Variants in AFG3L2 observed in about 807,000 individuals in gnomAD.
The protein encoded by AFG3L2 is AFG3 like matrix AAA peptidase subunit 2.
Under a neutral mutation model 94.5 loss-of-function variants are expected in AFG3L2, and 54 were observed. The ratio of observed to expected loss-of-function variants is 0.57; its 90% CI spans 0.46 to 0.72. The LOEUF is 0.72. AFG3L2 is among the 30% of genes least tolerant of loss of function. AFG3L2 has a pLI of 0.00. For synonymous variants in AFG3L2, 377 were observed against 365.5 expected (o/e 1.03, Z -0.36); for missense variants, 754 against 994.9 (o/e 0.76, Z 3.26).
At chr18:12,361,230 C>T (rs1009327284) in intron 6 of AFG3L2, among the ~76,000 whole-genome samples, 3 of 152,148 alleles carry the variant, frequency 2.0e-5, no homozygotes, top group Admixed American at 1.3e-4. Flanking sequence ...ATTAGCTAGG[C>T]ATGGTGGCAC....
At chr18:12,344,454 C>T (rs1490551324) in intron 13 of AFG3L2, 3 of 541,852 alleles carry the variant, frequency 5.5e-6, no homozygotes, top group African/African-American at 3.8e-5. Flanking sequence ...GTGGTCCAAT[C>T]ACTTGAGGTG....
At position 12,329,112 on chromosome 18, in the gene AFG3L2, A is replaced by G. The variant is rs1222502371; in HGVS notation, c.*453T>C. 4 of 702,646 alleles carry G rather than the reference A, an allele frequency of 5.7e-6. No individual in the cohort carries two copies. The highest frequency in any genetic ancestry group is 3.5e-5 in the African/African-American group (2 of 57,254). The allele number at this position is 702,646 out of a possible 1,614,324, so 43.5% of individuals were successfully genotyped here. Reference sequence around the variant, plus strand: ...CTTTAAAATATTAAGTCAAATTAAAATGTTCTTATCAAGACTCCAATTTAA... The same window carrying G: ...CTTTAAAATATTAAGTCAAATTAAAGTGTTCTTATCAAGACTCCAATTTAA... On this transcript the variant is annotated 3_prime_UTR_variant, in exon 17 of 17. Coordinates refer to ENST00000269143, the MANE Select transcript of AFG3L2 (RefSeq NM_006796.3).
chr18:12,354,296 T>C (rs563924753), intron 9 of AFG3L2, among the ~76,000 whole-genome samples: 16 of 152,088 alleles, frequency 1.1e-4, no homozygotes, highest in Non-Finnish European at 2.2e-4. Flanking sequence ...CACACCTTCA[T>C]AGTACATCCA....
intron 16 of AFG3L2, among the ~76,000 whole-genome samples, chr18:12,332,835 T>TACAC (rs71172073): frequency 0.015 from 2,071 of 135,304 alleles, 31 homozygotes; most frequent in Middle Eastern, 0.031. Context: ...AATTTGCTTA[T>TACAC]ACACACACAC....
At chr18:12,358,124 AAAT>A (rs756940974) in intron 8 of AFG3L2, among the ~76,000 whole-genome samples, 11 of 152,228 alleles carry the variant, frequency 7.2e-5, no homozygotes, top group Non-Finnish European at 4.4e-5. Flanking sequence ...TCCATTTAAC[AAAT>A]ATGAAGTTAA....
intron 13 of AFG3L2, among the ~76,000 whole-genome samples, chr18:12,345,514 G>C (rs915460350): frequency 6.6e-6 from 1 of 152,220 alleles, no homozygotes; most frequent in African/African-American, 2.4e-5. Flanking sequence ...TATGCCACAG[G>C]GCGGGAAGTT....
At chr18:12,360,770 T>C (rs1908636251) in intron 6 of AFG3L2, among the ~76,000 whole-genome samples, 1 of 152,196 alleles carries the variant, frequency 6.6e-6, no homozygotes, top group African/African-American at 2.4e-5. Flanking sequence ...CTGACTCCTG[T>C]TTCCATTCTA....
intron 14 of AFG3L2, chr18:12,341,360 C>T (rs558568653): frequency 6.6e-6 from 1 of 152,258 alleles, no homozygotes; most frequent in Admixed American, 6.5e-5. Context: ...AACATAACAT[C>T]AAGCCACAAT....
chr18:12,334,127 G>C (rs745479076), intron 16 of AFG3L2, among the ~76,000 whole-genome samples: 1 of 152,208 alleles, frequency 6.6e-6, no homozygotes, highest in Non-Finnish European at 1.5e-5. Context: ...GAAGGCAATG[G>C]TTTCAGGAGC....
intron 9 of AFG3L2, among the ~76,000 whole-genome samples, chr18:12,354,142 C>T (rs755332878): frequency 1.4e-5 from 2 of 139,570 alleles, no homozygotes; most frequent in Non-Finnish European, 3.1e-5. Flanking sequence ...ACCCCCCCCC[C>T]CCCACTTCAC....
intron 16 of AFG3L2, among the ~76,000 whole-genome samples, chr18:12,332,924 A>T (rs1483376170): frequency 4.4e-5 from 6 of 137,612 alleles, no homozygotes; most frequent in African/African-American, 1.4e-4. Flanking sequence ...TATTATATAT[A>T]ACATATACTA....
chr18:12,340,659 G>A (rs1473641287), intron 14 of AFG3L2, among the ~76,000 whole-genome samples: 2 of 152,018 alleles, frequency 1.3e-5, no homozygotes, highest in African/African-American at 4.8e-5. Flanking sequence ...GCAGTGGCAC[G>A]ATCTCAACTC....
intron 9 of AFG3L2, among the ~76,000 whole-genome samples, chr18:12,356,073 G>A (rs533567959): frequency 4.6e-5 from 7 of 151,462 alleles, no homozygotes; most frequent in African/African-American, 1.7e-4. Flanking sequence ...ATACTTTACA[G>A]GGATCAATTG....
At position 12,364,928 on chromosome 18, in the gene AFG3L2, C is replaced by T. The variant is rs1908762518; in HGVS notation, c.553-1072G>A. On this transcript the variant is annotated intron_variant, in intron 5 of 16. Coordinates refer to ENST00000269143, the MANE Select transcript of AFG3L2 (RefSeq NM_006796.3). The stretch of plus-strand genomic sequence containing the variant: ...CAAGTGATCCTCCCACCTCAGCCTC[C>T]CAAAGTGCACAGATTACAGGTGTGA... 1.3e-5 allele frequency among the ~76,000 whole-genome samples: 2 copies of T among 152,128 alleles called. 1 individual carries two copies. Among genetic ancestry groups the T allele is most frequent in the South Asian group, 4.2e-4 (2 of 4,818 alleles).
chr18:12,337,117 A>G (rs1291786395), intron 16 of AFG3L2: 1 of 614,546 alleles, frequency 1.6e-6, no homozygotes, highest in African/African-American at 1.8e-5. Flanking sequence ...ATTCAGTCAC[A>G]TTCCTAAGAG....
intron 16 of AFG3L2, among the ~76,000 whole-genome samples, chr18:12,332,682 A>AT (rs1429266981): frequency 3.7e-4 from 16 of 43,004 alleles, no homozygotes; most frequent in East Asian, 1.7e-3. Flanking sequence ...ATATATATAT[A>AT]TATTTTTTGT....
rs780671367 is a variant in AFG3L2 at position 12,353,173 on chromosome 18, A to G, written c.1165-15T>C. On this transcript the variant is annotated splice_polypyrimidine_tract_variant and intron_variant, in intron 9 of 16. Coordinates refer to ENST00000269143, the MANE Select transcript of AFG3L2 (RefSeq NM_006796.3). ...AAGTCTCGGACCTTGGCAAAAACAG[A>G]AAGAGAGTCACCTGACCAGAGAATA... 5 of 1,613,682 alleles carry G rather than the reference A, an allele frequency of 3.1e-6. No homozygotes were observed. The highest frequency in any genetic ancestry group is 1.1e-5 in the South Asian group (1 of 91,082).
chr18:12,342,864 G>A (rs1453090032), intron 14 of AFG3L2: 2 of 152,138 alleles, frequency 1.3e-5, no homozygotes, highest in Non-Finnish European at 2.9e-5. Context: ...CCACTGGCCT[G>A]CGTGCCAGTC....
At position 12,337,486 on chromosome 18, in the gene AFG3L2, A is replaced by G. The variant is rs778455371; in HGVS notation, c.2030T>C (p.Leu677Pro). ...CAATACCATGTCCCCCTGACGTGGG[A>G]GGTCAAAGGAGATTTGCCCAACCTT... ...NEKVGQISFDLPRQGDMVLEK... is the reference protein window; with the variant it reads ...NEKVGQISFDPPRQGDMVLEK... Residue 677 changes from leucine (L) to proline (P), a missense_variant, in exon 16 of 17, where the codon CTC becomes CCC. Leu to Pro is a moderately conservative substitution (Grantham distance 98). Transcript: ENST00000269143. The G allele has an allele frequency of 5.0e-6, 8 of 1,614,088 alleles. No homozygotes were observed. The Admixed American group carries it at 1.0e-4, about 20-fold the overall frequency.
Sources: allele counts gnomAD v4.1 joint callset (sites outside exome capture counted in the v4.1 genomes callset), GRCh38; gene constraint gnomAD v4.1.1; transcripts MANE v1.5; gene names NCBI Gene and HGNC (gene_info 2026-07-23, HGNC 2026-07-21).